SLC22A25: variants seen among roughly 807,000 people sequenced by gnomAD.
SLC22A25 encodes the protein solute carrier family 22 member 25.
In SLC22A25, 44 loss-of-function variants were observed where a neutral mutation model predicts 45.9. The observed-to-expected ratio is 0.96, with a 90% CI of 0.75 to 1.23. The LOEUF (loss-of-function observed/expected upper bound fraction) is 1.23, where lower values mean the gene tolerates loss of function less well. Among genes scored for constraint, SLC22A25 ranks in the 50% most tolerant of loss-of-function variants. The pLI, the probability that SLC22A25 is intolerant of heterozygous loss-of-function variation, is 0.00. For synonymous variants in SLC22A25, 283 were observed against 238.6 expected (o/e 1.19, Z -1.72); for missense variants, 800 against 666.4 (o/e 1.20, Z -2.21).
intron 3 of SLC22A25, among the ~76,000 whole-genome samples, chr11:63,236,156 A>G (rs912346289): frequency 3.3e-5 from 5 of 151,916 alleles, no homozygotes; most frequent in African/African-American, 1.2e-4. Context: ...GAGAACCACT[A>G]CTCTCTTCAA....
intron 5 of SLC22A25, among the ~76,000 whole-genome samples, chr11:63,219,478 G>C (rs1249863808): frequency 6.6e-6 from 1 of 152,184 alleles, no homozygotes; most frequent in East Asian, 1.9e-4. Context: ...TTATGGTACA[G>C]AGTAAGTTCT....
intron 5 of SLC22A25, among the ~76,000 whole-genome samples, chr11:63,219,668 C>T (rs533219617): frequency 1.4e-4 from 22 of 152,158 alleles, no homozygotes; most frequent in African/African-American, 5.3e-4. Flanking sequence ...ATTAATATTT[C>T]CCCCCAGGTT....
At chr11:63,188,240 T>G in intron 7 of SLC22A25, among the ~76,000 whole-genome samples, 1 of 152,240 alleles carries the variant, frequency 6.6e-6, no homozygotes, top group Non-Finnish European at 1.5e-5. Flanking sequence ...ATTGGTCTAT[T>G]CAGAGATTCA....
rs144771985 is a variant in SLC22A25, at chr11:63,235,039, C to A, written c.-445+2842G>T. Among the ~76,000 whole-genome samples, 573 of 152,282 alleles carry A rather than the reference C, an allele frequency of 3.8e-3. 1 individual carries two copies. The highest frequency in any genetic ancestry group is 0.013 in the African/African-American group (550 of 41,550). On this transcript the variant is annotated intron_variant, in intron 3 of 11. Transcript: ENST00000306494. ...GTCTAATGGGCTTCCCTGTGGGTAA[C>A]CTGACCTTTCTCTCTGGCTGCCCTT...
intron 7 of SLC22A25, among the ~76,000 whole-genome samples, chr11:63,205,418 CA>C (rs1425329666): frequency 2.0e-5 from 3 of 151,672 alleles, no homozygotes; most frequent in Non-Finnish European, 4.4e-5. Context: ...AGGACTAATA[CA>C]GAAGAAAAGA....
chr11:63,194,355 A>G (rs868152683), intron 7 of SLC22A25, among the ~76,000 whole-genome samples: 3 of 152,208 alleles, frequency 2.0e-5, no homozygotes, highest in Admixed American at 6.5e-5. Context: ...CCCAAGACAC[A>G]TATTGTTATA....
chr11:63,209,171 C>G (rs1314530761), intron 7 of SLC22A25, among the ~76,000 whole-genome samples: 1 of 152,096 alleles, frequency 6.6e-6, no homozygotes, highest in Non-Finnish European at 1.5e-5. Flanking sequence ...CCAGGATACC[C>G]AGACCAGTTT....
rs116423298 is a variant in SLC22A25, at chr11:63,208,562, G to A, written c.830+8752C>T. Among the ~76,000 whole-genome samples the A allele has an allele frequency of 7.2e-3, 1,092 of 152,276 alleles. 8 individuals are homozygous for A. Among genetic ancestry groups the A allele is most frequent in the African/African-American group, 0.024 (1,001 of 41,550 alleles). Reference sequence around the variant, plus strand: ...TAGGAAGTCCTGGGGTAGGAGTGGTGTGTGTATGTGTGAGAATGTGGGAGC... The same window carrying A: ...TAGGAAGTCCTGGGGTAGGAGTGGTATGTGTATGTGTGAGAATGTGGGAGC... On this transcript the variant is annotated intron_variant, in intron 7 of 11. Transcript: ENST00000306494.
At chr11:63,211,904 T>C (rs1389087344) in intron 7 of SLC22A25, among the ~76,000 whole-genome samples, 2 of 152,044 alleles carry the variant, frequency 1.3e-5, no homozygotes, top group African/African-American at 2.4e-5. Flanking sequence ...GAGAAAACTT[T>C]TGCAATCTAC....
intron 5 of SLC22A25, 33 bp from the exon 6 acceptor site, chr11:63,217,768 C>G: frequency 6.4e-7 from 1 of 1,568,226 alleles, no homozygotes; most frequent in Non-Finnish European, 8.6e-7. Flanking sequence ...ATAATGGGAA[C>G]AATAACAACC....
rs113401890 is a variant in SLC22A25 at position 63,232,742 on chromosome 11, C to T, written c.-444-2646G>A. 1.8e-3 allele frequency among the ~76,000 whole-genome samples: 269 copies of T among 152,272 alleles called. 3 individuals are homozygous for T. Among genetic ancestry groups the T allele is most frequent in the African/African-American group, 5.6e-3 (234 of 41,544 alleles). ...TCAAAGGGTATGCTTCCAGTTTTTG[C>T]CCATTCAGTGTGTTATTCACTGTGG... On this transcript the variant is annotated intron_variant, in intron 3 of 11. Transcript: ENST00000306494.
At chr11:63,232,114 G>A (rs533709609) in intron 3 of SLC22A25, among the ~76,000 whole-genome samples, 150 of 152,162 alleles carry the variant, frequency 9.9e-4, no homozygotes, top group African/African-American at 3.2e-3. Context: ...TTGGCAATGC[G>A]GGCTCTTTTT....
intron 7 of SLC22A25, among the ~76,000 whole-genome samples, chr11:63,201,110 T>A (rs781116468): frequency 5.9e-5 from 9 of 152,188 alleles, no homozygotes; most frequent in Non-Finnish European, 1.0e-4. Context: ...GCTATTCCTA[T>A]TCAGCTACCA....
chr11:63,167,339 G>A (rs144356459), intron 9 of SLC22A25: 117 of 152,414 alleles, frequency 7.7e-4, no homozygotes, highest in African/African-American at 2.6e-3. Flanking sequence ...CCTGGAGAAG[G>A]GGCTGATGCC....
At chr11:63,195,094 A>G (rs2088969741) in intron 7 of SLC22A25, among the ~76,000 whole-genome samples, 1 of 152,018 alleles carries the variant, frequency 6.6e-6, no homozygotes, top group South Asian at 2.1e-4. Flanking sequence ...GAGCACCCAG[A>G]TTCATAAAGC....
chr11:63,203,635 T>G (rs2089313439), intron 7 of SLC22A25, among the ~76,000 whole-genome samples: 1 of 151,662 alleles, frequency 6.6e-6, no homozygotes, highest in South Asian at 2.1e-4. Context: ...ATGAACAAAG[T>G]CCCCAAGAAA....
In SLC22A25 at chr11:63,158,477, T is replaced by TA. The variant is rs2087513789; in HGVS notation, c.*5346dup. Among the ~76,000 whole-genome samples, 1 of 152,224 alleles carries TA rather than the reference T, an allele frequency of 6.6e-6. No individual in the cohort carries two copies. Among genetic ancestry groups the TA allele is most frequent in the South Asian group, 2.1e-4 (1 of 4,830 alleles). ...TTTATTTTTAATTTTTGTGGCTACA[T>TA]AGTAGATGGATATATTTATGGGGTG... On this transcript the variant is annotated 3_prime_UTR_variant, in exon 12 of 12. Transcript: ENST00000306494.
chr11:63,183,041 C>A (rs2088385796), intron 8 of SLC22A25, among the ~76,000 whole-genome samples: 1 of 151,978 alleles, frequency 6.6e-6, no homozygotes, highest in Admixed American at 6.6e-5. Context: ...TTGTGGCATA[C>A]TATAATTTTT....
intron 5 of SLC22A25, among the ~76,000 whole-genome samples, chr11:63,225,408 A>G (rs1282713663): frequency 6.6e-6 from 1 of 152,176 alleles, no homozygotes; most frequent in Non-Finnish European, 1.5e-5. Context: ...ATAGTATTAT[A>G]GGGTAAAAGT....
Sources: gnomAD v4.1 joint callset for allele counts (sites outside exome capture counted in the v4.1 genomes callset) on GRCh38, gnomAD v4.1.1 for gene constraint, MANE v1.5 for transcripts, NCBI Gene and HGNC (gene_info 2026-07-23, HGNC 2026-07-21) for gene names.